Variants in ZNF442 observed in about 807,000 individuals in gnomAD.
The protein encoded by ZNF442 is zinc finger protein 442.
ZNF442 carries 45 observed loss-of-function variants against 57.0 expected under a neutral mutation model. The ratio of observed to expected loss-of-function variants is 0.79; its 90% CI spans 0.62 to 1.01. ZNF442 has a LOEUF of 1.01. ZNF442 is among the 50% of genes least tolerant of loss of function. The pLI is 0.00. For missense variants in ZNF442, 690 were observed against 756.5 expected (o/e 0.91, Z 1.03); for synonymous variants, 213 against 241.8 (o/e 0.88, Z 1.10).
At position 12,350,082 on chromosome 19, in the gene ZNF442, T is replaced by G; in HGVS notation, c.1503A>C (p.Thr501=). The change falls in exon 6 of 6, where the codon ACA becomes ACC. Residue 501 remains threonine, a synonymous_variant. Transcript: ENST00000242804. ...KECGKAFSCF[T]YLSQHRRTHM... ...GAGTCCTTCTATGTTGAGAAAGGTATGTGAAACAACTGAATGCTTTCCCAC... is the reference window on the plus strand; with the variant it reads ...GAGTCCTTCTATGTTGAGAAAGGTAGGTGAAACAACTGAATGCTTTCCCAC... The G allele has an allele frequency of 6.2e-7, 1 of 1,612,678 alleles. No individual in the cohort carries two copies. Among genetic ancestry groups the G allele is most frequent in the Non-Finnish European group, 8.5e-7 (1 of 1,179,616 alleles).
intron 3 of ZNF442, among the ~76,000 whole-genome samples, chr19:12,357,680 G>T (rs540585079): frequency 6.6e-6 from 1 of 152,104 alleles, no homozygotes; most frequent in East Asian, 1.9e-4. Flanking sequence ...AATTCAGTAG[G>T]ACTAGAGTAT....
Position 12,350,820 on chromosome 19 carries a change from A to G in ZNF442, c.765T>C (p.His255=), listed in dbSNP as rs1437259451. 6.2e-7 allele frequency: 1 copy of G among 1,613,666 alleles called. No individual in the cohort carries two copies. Among genetic ancestry groups the G allele is most frequent in the Non-Finnish European group, 8.5e-7 (1 of 1,179,910 alleles). The change falls in exon 6 of 6, where the codon CAT becomes CAC. Residue 255 remains histidine, a synonymous_variant. Coordinates refer to ENST00000242804, the MANE Select transcript of ZNF442 (RefSeq NM_030824.3). The stretch of plus-strand genomic sequence containing the variant: ...GTTTCTCCCCAGTGTGTGTTCTTTC[A>G]TGTCTTAGATAGGAACTGTAAATAG... The part of the protein sequence containing the change: ...AFPIYSSYLR[H]ERTHTGEKPY...
chr19:12,350,024 A>G lies in ZNF442; in HGVS notation c.1561T>C (p.Cys521Arg), dbSNP rs369702234. 1 of 1,614,030 alleles carries G rather than the reference A, an allele frequency of 6.2e-7. No individual in the cohort carries two copies. Among genetic ancestry groups the G allele is most frequent in the Non-Finnish European group, 8.5e-7 (1 of 1,180,002 alleles). Residue 521 changes from cysteine (C) to arginine (R), a missense_variant, in exon 6 of 6, where the codon TGT becomes CGT. Cys to Arg is a radical substitution (Grantham distance 180). Coordinates refer to ENST00000242804, the MANE Select transcript of ZNF442 (RefSeq NM_030824.3). ...MAEKPYECKT[C>R]KKAFSHFGNL... ...CCAAAATGACTGAAGGCTTTCTTAC[A>G]TGTTTTACATTCATAAGGTTTTTCA...
chr19:12,361,715 G>GTCTCCCTCTCCC (rs144978244), intron 3 of ZNF442, among the ~76,000 whole-genome samples: 2,953 of 130,628 alleles, frequency 0.023, 135 homozygotes, highest in African/African-American at 0.084. Flanking sequence ...TGTCCCCACG[G>GTCTCCCTCTCCC]TCTCCCTCTC....
chr19:12,360,662 C>T (rs1380801845), intron 3 of ZNF442, among the ~76,000 whole-genome samples: 1 of 152,220 alleles, frequency 6.6e-6, no homozygotes, highest in Non-Finnish European at 1.5e-5. Flanking sequence ...CTGCAACCTA[C>T]ACTTTCCAGG....
In ZNF442 at chr19:12,346,562, T is replaced by C. The variant is rs995451043; in HGVS notation, c.*3139A>G. 1 of 152,238 alleles carries C rather than the reference T, an allele frequency of 6.6e-6. No homozygotes were observed. Among genetic ancestry groups the C allele is most frequent in the African/African-American group, 2.4e-5 (1 of 41,464 alleles). 9.4% of individuals were successfully genotyped at this position (152,238 alleles called of 1,614,324 possible). A position where few individuals can be genotyped will look rare whatever the true frequency, so the allele number is the denominator to read the frequency against. ...TGAAAAAGGTTTACACCAATTATTC[T>C]GTGAACCAGCAATTACACTCCTAGG... On this transcript the variant is annotated 3_prime_UTR_variant, in exon 6 of 6. Transcript: ENST00000242804.
chr19:12,353,090 C>T lies in ZNF442; in HGVS notation c.103G>A (p.Ala35Thr). ...QYDSVAFEDV[A>T]VNFTQEEWAL... ...CACTCTTCCTGGGTGAAGTTCACCG[C>T]CACATCCTCAAAGGCTACTGAATCC... is the stretch of plus-strand genomic sequence containing the variant. Residue 35 changes from alanine (A) to threonine (T), a missense_variant, in exon 4 of 6, where the codon GCG becomes ACG. Physicochemically the swap from Ala to Thr is moderately conservative, Grantham distance 58. Transcript: ENST00000242804. 1 of 1,613,328 alleles carries T rather than the reference C, an allele frequency of 6.2e-7. No individual in the cohort carries two copies. The highest frequency in any genetic ancestry group is 8.5e-7 in the Non-Finnish European group (1 of 1,179,720).
the ZNF442 span, among the ~76,000 whole-genome samples, chr19:12,373,450 G>T: frequency 6.6e-6 from 1 of 152,226 alleles, no homozygotes; most frequent in Non-Finnish European, 1.5e-5. Flanking sequence ...GCTGAGGTGG[G>T]AGGATCGCTT....
At chr19:12,351,462 T>C (rs966673144) in intron 5 of ZNF442, 144 bp from the exon 6 acceptor site, 16 of 750,682 alleles carry the variant, frequency 2.1e-5, no homozygotes, top group Admixed American at 6.1e-5. Context: ...CTGAATGTTG[T>C]ACAAGATAAC....
rs146226078 is a variant in ZNF442, at chr19:12,349,026, C to CAAAAAAAAAAAAAAA, written c.*660_*674dup. 1.7e-5 allele frequency: 1 copy of CAAAAAAAAAAAAAAA among 58,988 alleles called. No homozygotes were observed. The highest frequency in any genetic ancestry group is 5.1e-5 in the African/African-American group (1 of 19,482). 3.7% of individuals were successfully genotyped at this position (58,988 alleles called of 1,614,324 possible). A position where few individuals can be genotyped will look rare whatever the true frequency, so the allele number is the denominator to read the frequency against. On this transcript the variant is annotated 3_prime_UTR_variant, in exon 6 of 6. Coordinates refer to ENST00000242804, the MANE Select transcript of ZNF442 (RefSeq NM_030824.3). ...TGAAACCCCGTCTCTACTAAAAATA[C>CAAAAAAAAAAAAAAA]AAAAAAAAAAAAAAAAAAAAAAAAA... is the stretch of plus-strand genomic sequence containing the variant.
Position 12,350,953 on chromosome 19 carries a change from CAT to C in ZNF442, c.630_631del (p.Ile210MetfsTer2). On this transcript the variant is annotated frameshift_variant, in exon 6 of 6. Transcript: ENST00000242804. LOFTEE classifies it high-confidence loss of function. ...AAAAAAGGCTTTCCCACACAACTTACATATATAAGGTCCACCTCCACGTTGTA... is the reference window on the plus strand; with the variant it reads ...AAAAAAGGCTTTCCCACACAACTTACATATAAGGTCCACCTCCACGTTGTA... 1.2e-6 allele frequency: 2 copies of C among 1,614,208 alleles called. No individual in the cohort carries two copies. Among genetic ancestry groups the C allele is most frequent in the East Asian group, 4.5e-5 (2 of 44,878 alleles).
the ZNF442 span, among the ~76,000 whole-genome samples, chr19:12,371,153 T>C: frequency 6.6e-6 from 1 of 152,126 alleles, no homozygotes; most frequent in East Asian, 1.9e-4. Flanking sequence ...AAACATCAAG[T>C]GTAATTCAAT....
At chr19:12,353,179 C>G in intron 3 of ZNF442, 65 bp from the exon 4 acceptor site, 1 of 1,500,118 alleles carries the variant, frequency 6.7e-7, no homozygotes, top group Non-Finnish European at 8.9e-7. Context: ...TTTACACCCA[C>G]TTCATAAACT....
At chr19:12,357,352 T>C (rs1969348477) in intron 3 of ZNF442, among the ~76,000 whole-genome samples, 1 of 130,530 alleles carries the variant, frequency 7.7e-6, no homozygotes, top group Non-Finnish European at 1.6e-5. Context: ...TTTCTTTCTT[T>C]TTTTTTTTTT....
the ZNF442 span, among the ~76,000 whole-genome samples, chr19:12,373,257 T>C: frequency 6.6e-6 from 1 of 152,176 alleles, no homozygotes; most frequent in South Asian, 2.1e-4. Flanking sequence ...AGCCCTAGGC[T>C]GGACGCAGTG....
chr19:12,353,055 C>T lies in ZNF442; in HGVS notation c.138G>A (p.Leu46=), dbSNP rs147075868. Residue 46 remains leucine (L), a synonymous_variant, in exon 4 of 6, where the codon CTG becomes CTA. Transcript: ENST00000242804. ...TGTACAGACTCTTCTGTGATGGACC[C>T]AGCAAAGCCCACTCTTCCTGGGTGA... The part of the protein sequence containing the change: ...VNFTQEEWAL[L]GPSQKSLYRD... 1 of 1,613,572 alleles carries T rather than the reference C, an allele frequency of 6.2e-7. No homozygotes were observed. Among genetic ancestry groups the T allele is most frequent in the African/African-American group, 1.3e-5 (1 of 74,874 alleles).
the ZNF442 span, among the ~76,000 whole-genome samples, chr19:12,373,060 C>T: frequency 6.6e-6 from 1 of 152,180 alleles, no homozygotes; most frequent in Non-Finnish European, 1.5e-5. Context: ...GTGTCAGCCA[C>T]CGCACCCAGC....
rs1232997449 is a variant in ZNF442, at chr19:12,350,677, C to G, written c.908G>C (p.Ser303Thr). The G allele has an allele frequency of 6.2e-7, 1 of 1,613,344 alleles. No individual in the cohort carries two copies. Among genetic ancestry groups the G allele is most frequent in the Non-Finnish European group, 8.5e-7 (1 of 1,179,862 alleles). ...YKCKRCGRAF[S>T]VSSSLRIHER... ...ATGTATTCGAAGGGAACTGGAAACA[C>G]TGAAGGCTCTTCCACATCGTTTACA... The change falls in exon 6 of 6, where the codon AGT becomes ACT. Residue 303 changes from serine (S) to threonine (T), a missense_variant. Coordinates refer to ENST00000242804, the MANE Select transcript of ZNF442 (RefSeq NM_030824.3).
chr19:12,358,649 A>G (rs997382432), intron 3 of ZNF442, among the ~76,000 whole-genome samples: 2 of 152,266 alleles, frequency 1.3e-5, no homozygotes. Flanking sequence ...GCTACTGGAT[A>G]AATACACACT....
Sources: allele counts gnomAD v4.1 joint callset (sites outside exome capture counted in the v4.1 genomes callset), GRCh38; gene constraint gnomAD v4.1.1; transcripts MANE v1.5; gene names NCBI Gene and HGNC (gene_info 2026-07-23, HGNC 2026-07-21).